Variants in TRIM61 observed in about 807,000 individuals in gnomAD.
TRIM61 encodes tripartite motif containing 61.
TRIM61 carries 1 observed loss-of-function variant against 14.2 expected under a neutral mutation model. That is an observed-to-expected ratio of 0.07 (90% CI 0.03 to 0.33). The LOEUF is 0.33. Among genes scored for constraint, TRIM61 ranks in the 10% least tolerant of loss-of-function variants. The pLI, the probability that TRIM61 is intolerant of heterozygous loss-of-function variation, is 0.99. For missense variants in TRIM61, 19 were observed against 202.2 expected (o/e 0.09, Z 5.49); for synonymous variants, 8 against 71.6 (o/e 0.11, Z 4.49).
chr4:164,957,126 C>G (rs768607231), intron 3 of TRIM61: 3 of 1,598,794 alleles, frequency 1.9e-6, no homozygotes, highest in Admixed American at 1.7e-5. Context: ...AAACTGCGTT[C>G]CTGGTGCAGG....
chr4:164,967,708 G>C (rs1403741129), intron 3 of TRIM61, among the ~76,000 whole-genome samples: 1 of 152,064 alleles, frequency 6.6e-6, no homozygotes, highest in Non-Finnish European at 1.5e-5. Flanking sequence ...CAGAGGAAAG[G>C]TGAAAGTGGC....
At chr4:164,957,005 C>T (rs763956945) in intron 3 of TRIM61, 15 of 1,473,168 alleles carry the variant, frequency 1.0e-5, no homozygotes, top group Admixed American at 5.2e-5. Context: ...ACCGGGGCAG[C>T]GCCATGTACC....
At chr4:164,961,874 A>G (rs1192986017) in intron 3 of TRIM61, among the ~76,000 whole-genome samples, 1 of 152,216 alleles carries the variant, frequency 6.6e-6, no homozygotes, top group Admixed American at 6.5e-5. Flanking sequence ...TGATTTCATC[A>G]TTCTGTGAAC....
At chr4:164,957,627 A>G in intron 3 of TRIM61, 1 of 1,016,462 alleles carries the variant, frequency 9.8e-7, no homozygotes, top group South Asian at 1.8e-5. Context: ...GCTACCGAAG[A>G]TAGTCGAATA....
At chr4:164,973,219 G>A (rs770655107) in intron 2 of TRIM61, among the ~76,000 whole-genome samples, 2 of 152,100 alleles carry the variant, frequency 1.3e-5, no homozygotes, top group African/African-American at 2.4e-5. Flanking sequence ...CGTAAGTTAG[G>A]AGCTATTATC....
intron 3 of TRIM61, chr4:164,956,859 T>G (rs770900622): frequency 5.7e-6 from 4 of 696,844 alleles, no homozygotes; most frequent in East Asian, 2.8e-5. Context: ...CCCCAAGCAC[T>G]GCAGCGTTTC....
chr4:164,962,136 A>C (rs532472417), intron 3 of TRIM61, among the ~76,000 whole-genome samples: 91 of 152,112 alleles, frequency 6.0e-4, no homozygotes, highest in Non-Finnish European at 8.7e-4. Flanking sequence ...ATGAAGGAGG[A>C]TAAGAAGGAG....
rs990659546 is a variant in TRIM61, at chr4:164,969,338, T to G, written c.525+140A>C. On this transcript the variant is annotated intron_variant, in intron 3 of 4. Coordinates refer to ENST00000329314, the MANE Select transcript of TRIM61 (RefSeq NM_001012414.3). The stretch of plus-strand genomic sequence containing the variant: ...TAATGAGGAGGTATAATCTGAAAAT[T>G]TTGTTAGGCTTTCATTTAGTTGTGC... 2.6e-6 allele frequency: 4 copies of G among 1,522,168 alleles called. No homozygotes were observed. The Admixed American group carries it at 9.0e-5, about 34-fold the overall frequency. 94.3% of individuals were successfully genotyped at this position (1,522,168 alleles called of 1,614,324 possible). A position where few individuals can be genotyped will look rare whatever the true frequency, so the allele number is the denominator to read the frequency against.
At chr4:164,975,678 TG>T (rs1732465713) in intron 2 of TRIM61, among the ~76,000 whole-genome samples, 1 of 152,224 alleles carries the variant, frequency 6.6e-6, no homozygotes, top group South Asian at 2.1e-4. Context: ...CACAATGCAC[TG>T]CGGAAAGCCA....
chr4:164,967,275 G>A (rs6827270), intron 3 of TRIM61, among the ~76,000 whole-genome samples: 45,702 of 152,016 alleles, frequency 0.3, 7,062 homozygotes, highest in Admixed American at 0.39. Context: ...TATGTCTACT[G>A]ACATGTTGTC....
chr4:164,961,347 C>G (rs1238307537), intron 3 of TRIM61, among the ~76,000 whole-genome samples: 1 of 151,512 alleles, frequency 6.6e-6, no homozygotes, highest in African/African-American at 2.4e-5. Context: ...GATGAAGATG[C>G]CTTCAATGGG....
chr4:164,974,132 T>C (rs1732430104), intron 2 of TRIM61, among the ~76,000 whole-genome samples: 1 of 152,240 alleles, frequency 6.6e-6, no homozygotes, highest in African/African-American at 2.4e-5. Context: ...ATCGTGCCAC[T>C]GCACTCCAGC....
intron 3 of TRIM61, chr4:164,956,968 C>A: frequency 7.0e-7 from 1 of 1,435,752 alleles, no homozygotes; most frequent in South Asian, 1.5e-5. Context: ...CCGGGTGAGA[C>A]CGTGAAGGTG....
At chr4:164,961,406 T>A (rs968898400) in intron 3 of TRIM61, among the ~76,000 whole-genome samples, 3 of 151,564 alleles carry the variant, frequency 2.0e-5, no homozygotes, top group Admixed American at 2.0e-4. Context: ...TGAACTTGAA[T>A]ATAAACAAAT....
At chr4:164,967,201 C>T (rs1434749754) in intron 3 of TRIM61, among the ~76,000 whole-genome samples, 2 of 152,112 alleles carry the variant, frequency 1.3e-5, no homozygotes, top group African/African-American at 4.8e-5. Flanking sequence ...TTAAATAACA[C>T]GTACACTAAA....
At position 164,957,324 on chromosome 4, in the gene TRIM61, G is replaced by T. The variant is rs1459169938; in HGVS notation, c.526-2228C>A. ...TGGTGCCCAGAGAGGAATTTTAGTG[G>T]CAGCATTCCGGCTGTCACGCCACCG... On this transcript the variant is annotated intron_variant, in intron 3 of 4. Transcript: ENST00000329314. 4 of 1,613,998 alleles carry T rather than the reference G, an allele frequency of 2.5e-6. No homozygotes were observed. In the African/African-American group the frequency reaches 4.0e-5, roughly 16 times the overall value.
chr4:164,957,067 C>T (rs1380861165), intron 3 of TRIM61: 1 of 1,530,656 alleles, frequency 6.5e-7, no homozygotes, highest in Non-Finnish European at 8.8e-7. Context: ...CTCTTCTCCC[C>T]GGACCCAGCG....
intron 3 of TRIM61, among the ~76,000 whole-genome samples, chr4:164,961,992 G>A (rs557878390): frequency 2.6e-5 from 4 of 152,200 alleles, no homozygotes; most frequent in Admixed American, 2.0e-4. Flanking sequence ...TGTACAGCAC[G>A]TTACTGTACT....
chr4:164,973,932 G>A (rs1732425591), intron 2 of TRIM61, among the ~76,000 whole-genome samples: 1 of 152,224 alleles, frequency 6.6e-6, no homozygotes, highest in African/African-American at 2.4e-5. Flanking sequence ...CACTTTGGGA[G>A]GCCAAGGCAG....
Sources: allele counts gnomAD v4.1 joint callset (sites outside exome capture counted in the v4.1 genomes callset), GRCh38; gene constraint gnomAD v4.1.1; transcripts MANE v1.5; gene names NCBI Gene and HGNC (gene_info 2026-07-23, HGNC 2026-07-21).